Variants in RTN4IP1 observed in about 807,000 individuals in gnomAD.
The protein encoded by RTN4IP1 is reticulon 4 interacting protein 1.
RTN4IP1 carries 32 observed loss-of-function variants against 46.6 expected under a neutral mutation model. That is an observed-to-expected ratio of 0.69 (90% CI 0.52 to 0.92). The LOEUF (loss-of-function observed/expected upper bound fraction) is 0.92. RTN4IP1 is among the 40% of genes least tolerant of loss of function. The pLI is 0.00. For synonymous variants in RTN4IP1, 167 were observed against 161.8 expected, an observed-to-expected ratio of 1.03 and a Z score of -0.24; for missense variants, 424 against 485.8, an observed-to-expected ratio of 0.87 and a Z score of 1.20.
At chr6:106,572,158 A>G (rs1775083558) in intron 8 of RTN4IP1, 55 bp from the exon 9 acceptor site, 1 of 1,335,096 alleles carries the variant, frequency 7.5e-7, no homozygotes. Context: ...CTTTCAAGGC[A>G]GATGACATTG....
chr6:106,609,626 G>A (rs1055338500), intron 4 of RTN4IP1, among the ~76,000 whole-genome samples: 1 of 152,196 alleles, frequency 6.6e-6, no homozygotes, highest in Non-Finnish European at 1.5e-5. Flanking sequence ...TTGAAAGACT[G>A]CATTCAAGTT....
chr6:106,608,964 T>C (rs1284446930), intron 4 of RTN4IP1, among the ~76,000 whole-genome samples: 2 of 152,224 alleles, frequency 1.3e-5, no homozygotes, highest in Non-Finnish European at 1.5e-5. Flanking sequence ...TGAATGGAAC[T>C]CTTCCTCTGA....
At chr6:106,602,029 T>C (rs1197766367) in intron 5 of RTN4IP1, among the ~76,000 whole-genome samples, 1 of 152,226 alleles carries the variant, frequency 6.6e-6, no homozygotes, top group Non-Finnish European at 1.5e-5. Flanking sequence ...ATTTTCTCCA[T>C]TTAATGGTCT....
In RTN4IP1 at chr6:106,626,983, C is replaced by A. The variant is rs76200314; in HGVS notation, c.274+1765G>T. On this transcript the variant is annotated intron_variant, in intron 1 of 8. Transcript: ENST00000369063. ...TGGCCGTCTCCAGAAAAACAGCCAG[C>A]CTTCATCTTTCAAATAAAATAGACA... 4.0e-3 allele frequency among the ~76,000 whole-genome samples: 603 copies of A among 151,780 alleles called. 5 individuals carry two copies. Among genetic ancestry groups the A allele is most frequent in the African/African-American group, 0.014 (574 of 41,430 alleles).
At chr6:106,577,154 G>A (rs1403979712) in intron 8 of RTN4IP1, among the ~76,000 whole-genome samples, 1 of 151,960 alleles carries the variant, frequency 6.6e-6, no homozygotes, top group Non-Finnish European at 1.5e-5. Context: ...TATCTTCCTG[G>A]CCGTGTGCAG....
intron 4 of RTN4IP1, among the ~76,000 whole-genome samples, chr6:106,607,283 C>CA (rs34416548): frequency 0.074 from 11,012 of 149,390 alleles, 574 homozygotes; most frequent in East Asian, 0.2. Context: ...ACATAAGACC[C>CA]AAAAAAAAAC....
At chr6:106,574,688 G>GC (rs1775177732) in intron 8 of RTN4IP1, among the ~76,000 whole-genome samples, 1 of 152,298 alleles carries the variant, frequency 6.6e-6, no homozygotes, top group African/African-American at 2.4e-5. Flanking sequence ...GACTCACCCA[G>GC]CCCTTTGCCT....
chr6:106,623,937 T>C (rs968574685), intron 1 of RTN4IP1, among the ~76,000 whole-genome samples: 3 of 152,326 alleles, frequency 2.0e-5, no homozygotes, highest in African/African-American at 7.2e-5. Context: ...GATCCCCACA[T>C]CCTTAAACAT....
At chr6:106,623,353 T>C (rs943029303) in intron 1 of RTN4IP1, among the ~76,000 whole-genome samples, 7 of 151,988 alleles carry the variant, frequency 4.6e-5, no homozygotes, top group South Asian at 2.1e-4. Context: ...CATGGACACA[T>C]AGAGGGGAAC....
chr6:106,625,235 C>T (rs558799832), intron 1 of RTN4IP1, among the ~76,000 whole-genome samples: 1 of 151,846 alleles, frequency 6.6e-6, no homozygotes, highest in South Asian at 2.1e-4. Flanking sequence ...TCACTCCCTG[C>T]CCCACAACGC....
chr6:106,612,384 CAAAAAAAA>C (rs1180927898), intron 4 of RTN4IP1, among the ~76,000 whole-genome samples: 106 of 18,902 alleles, frequency 5.6e-3, no homozygotes, highest in South Asian at 0.011. Context: ...AAGACTCCGT[CAAAAAAAA>C]AAAAAAAAAA....
intron 4 of RTN4IP1, among the ~76,000 whole-genome samples, chr6:106,610,328 T>C (rs1776194315): frequency 6.6e-6 from 1 of 152,104 alleles, no homozygotes; most frequent in African/African-American, 2.4e-5. Flanking sequence ...CCTCCCAAAG[T>C]GCTGGGATTA....
At chr6:106,599,374 C>A (rs1218885364) in intron 5 of RTN4IP1, among the ~76,000 whole-genome samples, 2 of 151,678 alleles carry the variant, frequency 1.3e-5, no homozygotes, top group Non-Finnish European at 2.9e-5. Flanking sequence ...ACCTGTGTCC[C>A]TAAGCCTCCC....
At chr6:106,606,121 A>G (rs1348162410) in intron 4 of RTN4IP1, among the ~76,000 whole-genome samples, 1 of 152,096 alleles carries the variant, frequency 6.6e-6, no homozygotes, top group Non-Finnish European at 1.5e-5. Context: ...CACAAAATCA[A>G]CATACAAAAA....
intron 4 of RTN4IP1, among the ~76,000 whole-genome samples, chr6:106,612,489 G>A (rs1299416021): frequency 6.7e-6 from 1 of 149,648 alleles, no homozygotes; most frequent in Non-Finnish European, 1.5e-5. Context: ...AGCCAATGAA[G>A]CCGAAGCCCT....
intron 5 of RTN4IP1, among the ~76,000 whole-genome samples, chr6:106,600,918 A>G (rs72945036): frequency 0.073 from 11,043 of 152,064 alleles, 592 homozygotes; most frequent in East Asian, 0.2. Flanking sequence ...AGGCTTAAAT[A>G]TATGTTTTCA....
chr6:106,572,358 C>A, intron 8 of RTN4IP1: 1 of 487,458 alleles, frequency 2.1e-6, no homozygotes, highest in East Asian at 3.5e-5. Flanking sequence ...CTTTCACTCT[C>A]CTACTTAGAA....
intron 4 of RTN4IP1, among the ~76,000 whole-genome samples, chr6:106,609,846 C>G (rs1424839576): frequency 6.6e-6 from 1 of 152,214 alleles, no homozygotes; most frequent in Non-Finnish European, 1.5e-5. Context: ...CAGGGCTTAG[C>G]AAGAGTGGTT....
intron 5 of RTN4IP1, among the ~76,000 whole-genome samples, chr6:106,599,630 T>C (rs1775892259): frequency 6.6e-6 from 1 of 152,054 alleles, no homozygotes; most frequent in African/African-American, 2.4e-5. Flanking sequence ...CAATTATAGT[T>C]TTTTCATGAC....
Sources: gnomAD v4.1 joint callset for allele counts (sites outside exome capture counted in the v4.1 genomes callset) on GRCh38, gnomAD v4.1.1 for gene constraint, MANE v1.5 for transcripts, NCBI Gene and HGNC (gene_info 2026-07-23, HGNC 2026-07-21) for gene names.